ZFAND4: variants seen among roughly 807,000 people sequenced by gnomAD.
The protein encoded by ZFAND4 is zinc finger AN1-type containing 4, also known as AN1-type zinc finger protein 4.
ZFAND4 carries 43 observed loss-of-function variants against 64.4 expected under a neutral mutation model. That is an observed-to-expected ratio of 0.67 (90% confidence interval 0.52 to 0.86). ZFAND4 has a LOEUF of 0.86. ZFAND4 is among the 40% of genes least tolerant of loss of function. ZFAND4 has a pLI of 0.00. For missense variants in ZFAND4, 929 were observed against 859.8 expected, an observed-to-expected ratio of 1.08 and a Z score of -1.01; for synonymous variants, 296 against 305.7, an observed-to-expected ratio of 0.97 and a Z score of 0.33.
Position 45,639,816 on chromosome 10 carries a change from C to CT in ZFAND4, c.716dup (p.Pro240AlafsTer2), listed in dbSNP as rs1389346841. On this transcript the variant is annotated frameshift_variant and splice_region_variant, in exon 6 of 10. Transcript: ENST00000344646. LOFTEE classifies it high-confidence loss of function. ...CCTGGTCAAATGCCAACAGCTTCAC[C>CT]TTTTTGCTGAGATTCATGTTCTTCA... is the stretch of plus-strand genomic sequence containing the variant. 1.2e-6 allele frequency: 2 copies of CT among 1,608,028 alleles called. No individual in the cohort carries two copies.
At chr10:45,646,041 A>G (rs2047355537) in intron 5 of ZFAND4, among the ~76,000 whole-genome samples, 1 of 152,224 alleles carries the variant, frequency 6.6e-6, no homozygotes, top group Admixed American at 6.5e-5. Flanking sequence ...AGCTCTAACA[A>G]GTGAACTTTT....
intron 5 of ZFAND4, among the ~76,000 whole-genome samples, chr10:45,645,784 C>A (rs1431856123): frequency 2.0e-5 from 3 of 152,126 alleles, no homozygotes; most frequent in Admixed American, 1.3e-4. Context: ...ATAGGTCTAG[C>A]AGTGTTTTTA....
chr10:45,657,014 CTTT>C (rs199943085), intron 2 of ZFAND4, among the ~76,000 whole-genome samples: 120 of 137,200 alleles, frequency 8.7e-4, no homozygotes, highest in African/African-American at 2.7e-3. Flanking sequence ...GCAACCTGAA[CTTT>C]TTTTTTTTTT....
intron 2 of ZFAND4, among the ~76,000 whole-genome samples, chr10:45,656,044 A>G (rs1018663958): frequency 6.6e-6 from 1 of 151,686 alleles, no homozygotes; most frequent in Non-Finnish European, 1.5e-5. Context: ...ATCCTGGCTA[A>G]CACAGTGAAA....
chr10:45,663,050 A>G (rs1421362904), intron 2 of ZFAND4, among the ~76,000 whole-genome samples: 1 of 152,008 alleles, frequency 6.6e-6, no homozygotes, highest in Non-Finnish European at 1.5e-5. Flanking sequence ...CACCCCTGCT[A>G]TACTAAGGGA....
In ZFAND4 at chr10:45,626,255, G is replaced by C. The variant is rs535799989; in HGVS notation, c.1568C>G (p.Thr523Ser). The C allele has an allele frequency of 6.2e-7, 1 of 1,614,142 alleles. No homozygotes were observed. ...QNITDSSFSR[T>S]TCFQGVKVDS... ...AACTTTAACACCTTGAAAGCAAGTA[G>C]TCCTAGAGAAAGAAGAATCAGTTAT... Residue 523 changes from threonine (T) to serine (S), a missense_variant, in exon 7 of 10, where the codon ACT becomes AGT. By Grantham distance (58) the Thr-to-Ser change is moderately conservative. Transcript: ENST00000344646.
intron 2 of ZFAND4, among the ~76,000 whole-genome samples, chr10:45,662,275 C>T (rs1454978675): frequency 1.3e-5 from 2 of 152,188 alleles, no homozygotes; most frequent in African/African-American, 4.8e-5. Context: ...CCTACAGAGA[C>T]AAGGACTCTA....
chr10:45,657,341 A>G (rs928100758), intron 2 of ZFAND4, among the ~76,000 whole-genome samples: 4 of 152,210 alleles, frequency 2.6e-5, no homozygotes, highest in Admixed American at 2.6e-4. Context: ...AGTCATTAGG[A>G]AAATGTAAAT....
intron 9 of ZFAND4, 46 bp downstream of exon 9, chr10:45,618,094 G>C (rs373577871): frequency 6.3e-7 from 1 of 1,577,898 alleles, no homozygotes; most frequent in East Asian, 2.3e-5. Flanking sequence ...CCCAAGCTGG[G>C]TTATCACAGA....
intron 5 of ZFAND4, among the ~76,000 whole-genome samples, 183 bp downstream of exon 5, chr10:45,648,111 A>G (rs577633957): frequency 2.6e-5 from 4 of 152,214 alleles, no homozygotes; most frequent in Non-Finnish European, 5.9e-5. Context: ...ACAGACTAAC[A>G]GAAACAAATC....
chr10:45,643,111 G>A (rs914170711), intron 5 of ZFAND4, among the ~76,000 whole-genome samples: 21 of 150,030 alleles, frequency 1.4e-4, no homozygotes, highest in African/African-American at 4.6e-4. Context: ...GTAGAGATGC[G>A]GTTTCTCCAT....
Position 45,626,862 on chromosome 10 carries a change from T to C in ZFAND4, c.961A>G (p.Asn321Asp). 1 of 1,614,220 alleles carries C rather than the reference T, an allele frequency of 6.2e-7. No individual in the cohort carries two copies. Among genetic ancestry groups the C allele is most frequent in the Non-Finnish European group, 8.5e-7 (1 of 1,180,038 alleles). ...SITGEFLKED[N>D]SWENNTLSHF... ...GACAGTGTGTTATTCTCCCAGCTAT[T>C]ATCTTCCTTAAGAAATTCACCAGTG... Residue 321 changes from asparagine (N) to aspartate (D), a missense_variant, in exon 7 of 10, where the codon AAT becomes GAT. Coordinates refer to ENST00000344646, the MANE Select transcript of ZFAND4 (RefSeq NM_174890.4).
chr10:45,659,493 G>T (rs1470055198), intron 2 of ZFAND4, among the ~76,000 whole-genome samples: 1 of 152,100 alleles, frequency 6.6e-6, no homozygotes, highest in Admixed American at 6.5e-5. Context: ...TTTCTAGCAA[G>T]TTGAAGATAA....
chr10:45,652,971 C>T lies in ZFAND4; in HGVS notation c.260+13G>A. 1 of 1,595,672 alleles carries T rather than the reference C, an allele frequency of 6.3e-7. No individual in the cohort carries two copies. Among genetic ancestry groups the T allele is most frequent in the Non-Finnish European group, 8.6e-7 (1 of 1,167,556 alleles). ...AAGTGCCTACAAAACAGCCAATATGCAATTACACTCACTTGTAATCATTCA... is the reference window on the plus strand; with the variant it reads ...AAGTGCCTACAAAACAGCCAATATGTAATTACACTCACTTGTAATCATTCA... On this transcript the variant is annotated intron_variant, in intron 3 of 9. Coordinates refer to ENST00000344646, the MANE Select transcript of ZFAND4 (RefSeq NM_174890.4).
chr10:45,662,999 C>A (rs1406863578), intron 2 of ZFAND4, among the ~76,000 whole-genome samples: 3 of 151,628 alleles, frequency 2.0e-5, no homozygotes, highest in Non-Finnish European at 2.9e-5. Flanking sequence ...GCACTTTCTG[C>A]AAATATACAA....
intron 6 of ZFAND4, among the ~76,000 whole-genome samples, chr10:45,630,597 A>G (rs140082527): frequency 0.061 from 9,284 of 151,642 alleles, 403 homozygotes; most frequent in African/African-American, 0.12. Flanking sequence ...GCGTGGTGGC[A>G]GGCACCTGTA....
At position 45,626,539 on chromosome 10, in the gene ZFAND4, G is replaced by T; in HGVS notation, c.1284C>A (p.Leu428=). The change falls in exon 7 of 10, where the codon CTC becomes CTA. Residue 428 remains leucine, a synonymous_variant. Coordinates refer to ENST00000344646, the MANE Select transcript of ZFAND4 (RefSeq NM_174890.4). ...CTTTCAACCCTTTGTCAGCATTAGT[G>T]AGTAGCAACTCCAGATTCACTTTGC... is the stretch of plus-strand genomic sequence containing the variant. ...GACKVNLELL[L]TNADKGLKAP... is the part of the protein sequence containing the mutation. 1.2e-6 allele frequency: 2 copies of T among 1,614,086 alleles called. No homozygotes were observed. The highest frequency in any genetic ancestry group is 8.5e-7 in the Non-Finnish European group (1 of 1,180,040).
intron 6 of ZFAND4, among the ~76,000 whole-genome samples, chr10:45,628,959 G>C (rs972995614): frequency 2.0e-5 from 3 of 149,276 alleles, no homozygotes; most frequent in African/African-American, 7.4e-5. Context: ...TTTGCTGATG[G>C]AACAAAGAAA....
At chr10:45,662,584 T>C in intron 2 of ZFAND4, 2 of 985,330 alleles carry the variant, frequency 2.0e-6, no homozygotes, top group Non-Finnish European at 2.4e-6. Flanking sequence ...TCTCACCAAA[T>C]CATTTAGGGC....
Sources: gnomAD v4.1 joint callset for allele counts (sites outside exome capture counted in the v4.1 genomes callset) on GRCh38, gnomAD v4.1.1 for gene constraint, MANE v1.5 for transcripts, NCBI Gene and HGNC (gene_info 2026-07-23, HGNC 2026-07-21) for gene names.